Variants in PPP2R3A observed in about 807,000 individuals in gnomAD.
The protein encoded by PPP2R3A is serine/threonine-protein phosphatase 2A regulatory subunit B'' subunit alpha.
PPP2R3A carries 80 observed loss-of-function variants against 106.9 expected under a neutral mutation model. That is an observed-to-expected ratio of 0.75 (90% CI 0.62 to 0.90). PPP2R3A has a LOEUF of 0.90. Among genes scored for constraint, PPP2R3A ranks in the 40% least tolerant of loss-of-function variants. PPP2R3A has a pLI of 0.00. For synonymous variants in PPP2R3A, 483 were observed against 468.3 expected, an observed-to-expected ratio of 1.03 and a Z score of -0.41; for missense variants, 1,386 against 1,350.4, an observed-to-expected ratio of 1.03 and a Z score of -0.41.
chr3:136,083,756 T>A (rs1366825689), intron 8 of PPP2R3A, among the ~76,000 whole-genome samples: 1 of 152,206 alleles, frequency 6.6e-6, no homozygotes, highest in Admixed American at 6.5e-5. Flanking sequence ...CTGATAGTGA[T>A]ATGGACAATA....
rs141271881 is a variant in PPP2R3A at position 136,111,834 on chromosome 3, G to A, written c.3329+5512G>A. ...ATCATTCTGATACTAAAACCTGGCA[G>A]ACACAATAAAAAAAACTTCAGGCCA... On this transcript the variant is annotated intron_variant, in intron 13 of 13. Transcript: ENST00000264977. Among the ~76,000 whole-genome samples, 1,144 of 151,954 alleles carry A rather than the reference G, an allele frequency of 7.5e-3. 18 individuals carry two copies. Among genetic ancestry groups the A allele is most frequent in the African/African-American group, 0.026 (1,080 of 41,442 alleles).
rs192040680 is a variant in PPP2R3A at position 135,971,861 on chromosome 3, G to A, written c.-441+6012G>A. ...ATAGAGGCAAAAGTCCATTACCAAG[G>A]TGGTCCAGAGCTCCTTTGGTTTGTG... On this transcript the variant is annotated intron_variant, in intron 1 of 13. Transcript: ENST00000264977. Among the ~76,000 whole-genome samples the A allele has an allele frequency of 2.9e-4, 44 of 152,274 alleles. 1 individual carries two copies. The highest frequency in any genetic ancestry group is 9.6e-4 in the African/African-American group (40 of 41,562).
intron 6 of PPP2R3A, among the ~76,000 whole-genome samples, chr3:136,075,696 A>C (rs1936571916): frequency 6.6e-6 from 1 of 152,184 alleles, no homozygotes; most frequent in African/African-American, 2.4e-5. Flanking sequence ...GTAATTTCAT[A>C]AATAATATAA....
chr3:136,051,312 ATGGC>A (rs1410622585), intron 5 of PPP2R3A, among the ~76,000 whole-genome samples: 2 of 152,080 alleles, frequency 1.3e-5, no homozygotes, highest in Admixed American at 1.3e-4. Flanking sequence ...AGTTGTATTC[ATGGC>A]TGCCATGTTT....
Position 136,026,939 on chromosome 3 carries a change from G to C in PPP2R3A, c.2103G>C (p.Val701=), listed in dbSNP as rs748815009. The change falls in exon 3 of 14, where the codon GTG becomes GTC. Residue 701 remains valine (V), a synonymous_variant. Coordinates refer to ENST00000264977, the MANE Select transcript of PPP2R3A (RefSeq NM_002718.5). ...LSPVPHVNNV[V]NAPLSINIPR... ...CGGTTCCCCATGTGAATAATGTTGTGAATGCGCCATTGTCCATAAACATTC... is the reference window on the plus strand; with the variant it reads ...CGGTTCCCCATGTGAATAATGTTGTCAATGCGCCATTGTCCATAAACATTC... 2 of 1,613,656 alleles carry C rather than the reference G, an allele frequency of 1.2e-6. No homozygotes were observed. The highest frequency in any genetic ancestry group is 1.7e-6 in the Non-Finnish European group (2 of 1,179,646).
At chr3:136,041,408 C>T (rs1282072662) in intron 4 of PPP2R3A, among the ~76,000 whole-genome samples, 1 of 151,760 alleles carries the variant, frequency 6.6e-6, no homozygotes, top group Non-Finnish European at 1.5e-5. Context: ...CAGGCAGGCA[C>T]CACCACACCT....
chr3:136,119,501 A>ACTT (rs1201930052), intron 13 of PPP2R3A, among the ~76,000 whole-genome samples: 15 of 152,380 alleles, frequency 9.8e-5, no homozygotes, highest in African/African-American at 3.4e-4. Context: ...TCTACAAAGA[A>ACTT]CTTAAACAAA....
At position 136,002,505 on chromosome 3, in the gene PPP2R3A, A is replaced by T; in HGVS notation, c.1007A>T (p.Asp336Val). 1.2e-6 allele frequency: 2 copies of T among 1,614,108 alleles called. No individual in the cohort carries two copies. Among genetic ancestry groups the T allele is most frequent in the South Asian group, 2.2e-5 (2 of 91,076 alleles). Residue 336 changes from aspartate to valine, a missense_variant, in exon 2 of 14, where the codon GAT (aspartate) becomes GTT (valine). Coordinates refer to ENST00000264977, the MANE Select transcript of PPP2R3A (RefSeq NM_002718.5). ...FGTEQPPKYE[D>V]VVQLSASDSG... ...ACTGAACAACCCCCTAAATATGAAG[A>T]TGTTGTCCAGCTCTCAGCTTCTGAC...
intron 7 of PPP2R3A, 32 bp from the exon 8 acceptor site, chr3:136,082,233 A>C (rs1936799625): frequency 6.5e-7 from 1 of 1,531,872 alleles, no homozygotes; most frequent in Non-Finnish European, 9.0e-7. Flanking sequence ...CTTTTTCATA[A>C]TGTTTAAATT....
At chr3:136,107,487 T>G (rs1185230306) in intron 13 of PPP2R3A, among the ~76,000 whole-genome samples, 1 of 141,906 alleles carries the variant, frequency 7.0e-6, no homozygotes, top group African/African-American at 2.6e-5. Context: ...TCTGATGTGG[T>G]CCATTCAGGT....
chr3:136,066,799 C>T (rs895632178), intron 5 of PPP2R3A, among the ~76,000 whole-genome samples: 1 of 152,092 alleles, frequency 6.6e-6, no homozygotes, highest in South Asian at 2.1e-4. Flanking sequence ...ATCCAGTCAC[C>T]TTCCACCAGG....
rs1939075888 is a variant in PPP2R3A at position 136,145,327 on chromosome 3, A to G, written c.*161A>G. The G allele has an allele frequency of 1.1e-6, 1 of 905,954 alleles. No individual in the cohort carries two copies. The allele number at this position is 905,954 out of a possible 1,614,324, so 56.1% of individuals were successfully genotyped here. On this transcript the variant is annotated 3_prime_UTR_variant, in exon 14 of 14. Coordinates refer to ENST00000264977, the MANE Select transcript of PPP2R3A (RefSeq NM_002718.5). ...TTTTAAGCAATAGGTCTGGATACACATTTAACTTAGGAGGCTCCTCCAATT... is the reference window on the plus strand; with the variant it reads ...TTTTAAGCAATAGGTCTGGATACACGTTTAACTTAGGAGGCTCCTCCAATT...
At chr3:136,091,277 A>G (rs554371967) in intron 10 of PPP2R3A, among the ~76,000 whole-genome samples, 1 of 152,328 alleles carries the variant, frequency 6.6e-6, no homozygotes, top group East Asian at 1.9e-4. Flanking sequence ...ACTTGCAGGT[A>G]CAGCTAACTC....
chr3:136,118,276 T>C (rs1283469986), intron 13 of PPP2R3A, among the ~76,000 whole-genome samples: 1 of 152,216 alleles, frequency 6.6e-6, no homozygotes, highest in Non-Finnish European at 1.5e-5. Flanking sequence ...AGTATCATAC[T>C]GAATGGGCAA....
intron 6 of PPP2R3A, among the ~76,000 whole-genome samples, chr3:136,075,758 A>G (rs530565804): frequency 3.4e-4 from 52 of 152,258 alleles, no homozygotes; most frequent in Non-Finnish European, 6.6e-4. Context: ...ATACTTTAAG[A>G]TAAATTTACA....
chr3:136,049,438 C>A, intron 5 of PPP2R3A, 77 bp downstream of exon 5: 1 of 1,041,580 alleles, frequency 9.6e-7, no homozygotes, highest in Non-Finnish European at 1.5e-6. Flanking sequence ...ACAACTATAA[C>A]ATGTCAATTG....
Position 136,007,369 on chromosome 3 carries a change from T to C in PPP2R3A, c.1995+3876T>C, listed in dbSNP as rs534808789. On this transcript the variant is annotated intron_variant, in intron 2 of 13. Transcript: ENST00000264977. The stretch of plus-strand genomic sequence containing the variant: ...CTTGCCTGAGGGCCATCCCTTTCCC[T>C]GCTTTTTGCTTCTCAAGGATGGGTA... Among the ~76,000 whole-genome samples, 74 of 152,372 alleles carry C rather than the reference T, an allele frequency of 4.9e-4. 1 individual carries two copies. The highest frequency in any genetic ancestry group is 3.4e-3 in the Middle Eastern group (1 of 294).
At chr3:136,050,207 G>A (rs1027529836) in intron 5 of PPP2R3A, among the ~76,000 whole-genome samples, 8 of 152,240 alleles carry the variant, frequency 5.3e-5, no homozygotes, top group Non-Finnish European at 1.0e-4. Context: ...CAATGGCACT[G>A]TACTTCTCAT....
chr3:135,979,626 G>T (rs1185007831), intron 1 of PPP2R3A, among the ~76,000 whole-genome samples: 1 of 151,726 alleles, frequency 6.6e-6, no homozygotes, highest in African/African-American at 2.4e-5. Context: ...CCATGTTGTT[G>T]CTTTGGTTGT....
Sources: allele counts gnomAD v4.1 joint callset (sites outside exome capture counted in the v4.1 genomes callset), GRCh38; gene constraint gnomAD v4.1.1; transcripts MANE v1.5; gene names NCBI Gene and HGNC (gene_info 2026-07-23, HGNC 2026-07-21).